IFNGR2: variants seen among roughly 807,000 people sequenced by gnomAD.
IFNGR2 encodes the protein IFN-gamma receptor 2.
IFNGR2 carries 15 observed loss-of-function variants against 41.1 expected under a neutral mutation model. The observed-to-expected ratio is 0.37, with a 90% CI of 0.24 to 0.56. The LOEUF (loss-of-function observed/expected upper bound fraction) is 0.56. IFNGR2 is among the 20% of genes least tolerant of loss of function. IFNGR2 has a pLI of 0.81. For synonymous variants in IFNGR2, 161 were observed against 171.6 expected (o/e 0.94, Z 0.48); for missense variants, 362 against 415.7 (o/e 0.87, Z 1.12).
chr21:33,419,649 G>C (rs17878743), intron 2 of IFNGR2, among the ~76,000 whole-genome samples: 8 of 152,170 alleles, frequency 5.3e-5, no homozygotes, highest in African/African-American at 1.9e-4. Context: ...CCCCAGTCAT[G>C]GGCGTAGACA....
At chr21:33,435,951 G>A (rs1286728206) in intron 6 of IFNGR2, among the ~76,000 whole-genome samples, 1 of 150,500 alleles carries the variant, frequency 6.6e-6, no homozygotes, top group African/African-American at 2.4e-5. Context: ...TAGCTACTTG[G>A]TTGGGAAGCT....
rs1319389333 is a variant in IFNGR2 at position 33,426,973 on chromosome 21, ACC to A, written c.503_504del (p.Thr168IlefsTer33). The A allele has an allele frequency of 2.5e-6, 4 of 1,613,304 alleles. No homozygotes were observed. Among genetic ancestry groups the A allele is most frequent in the Admixed American group, 1.7e-5 (1 of 59,930 alleles). ...RFSSPFDIAD[T>X]STAFFCYYVH... is the part of the protein sequence containing the mutation. ...CTCCTCTCCCTTTGACATCGCTGAT[ACC>A]TCCACGGCCTTTTTTTGTTATTATG... On this transcript the variant is annotated frameshift_variant, in exon 4 of 7. Transcript: ENST00000290219. LOFTEE classifies it high-confidence loss of function.
intron 1 of IFNGR2, chr21:33,410,774 A>T: frequency 8.6e-7 from 1 of 1,166,254 alleles, no homozygotes; most frequent in Admixed American, 2.0e-5. Context: ...ATCCAATTAG[A>T]ATAACTTTTT....
chr21:33,421,759 C>T (rs895128038), intron 3 of IFNGR2, 74 bp downstream of exon 3: 4 of 1,131,080 alleles, frequency 3.5e-6, no homozygotes, highest in Non-Finnish European at 5.4e-6. Flanking sequence ...ACTCCACACA[C>T]CTCTGTCCTG....
Position 33,403,483 on chromosome 21 carries a change from C to A in IFNGR2, c.-61C>A. 5.7e-6 allele frequency: 6 copies of A among 1,057,170 alleles called. No individual in the cohort carries two copies. The highest frequency in any genetic ancestry group is 5.8e-6 in the Non-Finnish European group (5 of 860,600). 65.5% of individuals were successfully genotyped at this position (1,057,170 alleles called of 1,614,324 possible). On this transcript the variant is annotated 5_prime_UTR_variant, in exon 1 of 7. Coordinates refer to ENST00000290219, the MANE Select transcript of IFNGR2 (RefSeq NM_005534.4). ...GCGGTTTGGGCGGCGACGTGAGCGG[C>A]TCCGCGGACCCCGAGCGGGGCCCCG...
At chr21:33,406,813 A>G (rs1364548405) in intron 1 of IFNGR2, among the ~76,000 whole-genome samples, 3 of 151,622 alleles carry the variant, frequency 2.0e-5, no homozygotes, top group Non-Finnish European at 2.9e-5. Flanking sequence ...ATACCTGGCT[A>G]ATTTTTGTAT....
intron 1 of IFNGR2, among the ~76,000 whole-genome samples, chr21:33,409,441 C>T (rs1568950190): frequency 6.6e-6 from 1 of 152,156 alleles, no homozygotes; most frequent in African/African-American, 2.4e-5. Flanking sequence ...TGCGACACTG[C>T]ACTCCAGCCT....
chr21:33,411,712 C>A, intron 1 of IFNGR2: 2 of 278,412 alleles, frequency 7.2e-6, no homozygotes, highest in South Asian at 3.2e-5. Context: ...TGCGGCCAAC[C>A]TTGCTGGAGG....
intron 3 of IFNGR2, 88 bp from the exon 4 acceptor site, chr21:33,426,796 T>A: frequency 1.4e-6 from 1 of 714,882 alleles, no homozygotes; most frequent in Non-Finnish European, 2.3e-6. Flanking sequence ...TATATATACA[T>A]ATATATATAG....
At chr21:33,413,092 A>T (rs777480838) in intron 1 of IFNGR2, among the ~76,000 whole-genome samples, 2 of 152,086 alleles carry the variant, frequency 1.3e-5, no homozygotes, top group African/African-American at 4.8e-5. Context: ...CATAGTTCGG[A>T]TGCTATTCAG....
intron 1 of IFNGR2, among the ~76,000 whole-genome samples, chr21:33,404,914 G>A (rs1026636939): frequency 1.3e-5 from 2 of 152,124 alleles, no homozygotes; most frequent in African/African-American, 4.8e-5. Context: ...CATGAGGTCA[G>A]GAGTTCGAGA....
chr21:33,407,389 G>T (rs1038354367), intron 1 of IFNGR2, among the ~76,000 whole-genome samples: 17 of 152,018 alleles, frequency 1.1e-4, no homozygotes, highest in African/African-American at 3.9e-4. Context: ...ATATCATGTA[G>T]CTGGAATGCT....
chr21:33,416,431 A>T lies in IFNGR2; in HGVS notation c.206+1411A>T, dbSNP rs191157505. The stretch of plus-strand genomic sequence containing the variant: ...ATTTCTTATTTTTGTTACTTAAAAA[A>T]ATTTTTTATTCACTTTTATACTGAA... On this transcript the variant is annotated intron_variant, in intron 2 of 6. Transcript: ENST00000290219. Among the ~76,000 whole-genome samples, 37 of 152,314 alleles carry T rather than the reference A, an allele frequency of 2.4e-4. No individual in the cohort carries two copies. In the East Asian group the frequency reaches 4.0e-3, roughly 17 times the overall value.
At chr21:33,403,263 G>A (rs1410751832), upstream of IFNGR2, 2 of 156,818 alleles carry the variant, frequency 1.3e-5, no homozygotes, top group African/African-American at 4.9e-5. Context: ...GCTGCGTGGG[G>A]TCCCCGCGCT....
At chr21:33,411,649 C>T (rs536801291) in intron 1 of IFNGR2, 2 of 377,096 alleles carry the variant, frequency 5.3e-6, no homozygotes, top group African/African-American at 4.2e-5. Flanking sequence ...ACCACAGGGT[C>T]CCCAAAAGAT....
rs773186876 is a variant in IFNGR2 at position 33,436,817 on chromosome 21, ACCT to A, written c.880-6_880-4del. 4.5e-5 allele frequency: 73 copies of A among 1,613,670 alleles called. 1 individual carries two copies. In the South Asian group the frequency reaches 7.5e-4, roughly 17 times the overall value. ...AAACTAATTACAATTTTGCTTTCCA[ACCT>A]CCTCAAGTATTTAAAAGACCCAACT... On this transcript the variant is annotated splice_polypyrimidine_tract_variant and splice_region_variant and intron_variant, in intron 6 of 6. Transcript: ENST00000290219.
rs1257358322 is a variant in IFNGR2 at position 33,432,703 on chromosome 21, CCT to C, written c.722-8_722-7del. The C allele has an allele frequency of 1.2e-6, 2 of 1,613,928 alleles. No homozygotes were observed. The highest frequency in any genetic ancestry group is 4.5e-5 in the East Asian group (2 of 44,884). On this transcript the variant is annotated splice_polypyrimidine_tract_variant and intron_variant, in intron 5 of 6. Transcript: ENST00000290219. Reference sequence around the variant, plus strand: ...AAGATCATTCTGTTCACTTTCGTGTCCTCTTTTTAGCCTCCACTGAGCTTCAG... The same window carrying C: ...AAGATCATTCTGTTCACTTTCGTGTCCTTTTTAGCCTCCACTGAGCTTCAG...
At chr21:33,413,826 C>CTTTTTTTTTTT (rs3057381) in intron 1 of IFNGR2, among the ~76,000 whole-genome samples, 1 of 61,728 alleles carries the variant, frequency 1.6e-5, no homozygotes, top group Non-Finnish European at 2.8e-5. Context: ...GCCCCCTAAC[C>CTTTTTTTTTTT]TTTTTTTTTT....
chr21:33,420,386 A>T (rs1345351562), intron 2 of IFNGR2, among the ~76,000 whole-genome samples: 2 of 152,128 alleles, frequency 1.3e-5, no homozygotes, highest in African/African-American at 4.8e-5. Flanking sequence ...TAAGGCAAAG[A>T]GGTCAGAGCT....
Sources: allele counts gnomAD v4.1 joint callset (sites outside exome capture counted in the v4.1 genomes callset), GRCh38; gene constraint gnomAD v4.1.1; transcripts MANE v1.5; gene names NCBI Gene and HGNC (gene_info 2026-07-23, HGNC 2026-07-21).